CHCHD3: variants seen among roughly 807,000 people sequenced by gnomAD.
The protein encoded by CHCHD3 is coiled-coil-helix-coiled-coil-helix domain containing 3.
Under a neutral mutation model 38.2 loss-of-function variants are expected in CHCHD3, and 20 were observed. That is an observed-to-expected ratio of 0.52 (90% CI 0.37 to 0.76). The LOEUF (loss-of-function observed/expected upper bound fraction) is 0.76, where lower values mean the gene tolerates loss of function less well. CHCHD3 is among the 30% of genes least tolerant of loss of function. The pLI, the probability that CHCHD3 is intolerant of heterozygous loss-of-function variation, is 0.00. For synonymous variants in CHCHD3, 82 were observed against 100.0 expected, an observed-to-expected ratio of 0.82 and a Z score of 1.07; for missense variants, 245 against 279.2, an observed-to-expected ratio of 0.88 and a Z score of 0.87.
intron 3 of CHCHD3, among the ~76,000 whole-genome samples, chr7:133,001,249 T>C (rs1032026395): frequency 6.6e-6 from 1 of 152,180 alleles, no homozygotes; most frequent in Non-Finnish European, 1.5e-5. Context: ...TTAACTACAT[T>C]AGCAGAGTCA....
intron 1 of CHCHD3, among the ~76,000 whole-genome samples, chr7:133,072,650 T>C (rs1017242465): frequency 4.6e-5 from 7 of 151,874 alleles, no homozygotes; most frequent in African/African-American, 9.7e-5. Flanking sequence ...CCATCCTGGC[T>C]AACATGGTGA....
intron 4 of CHCHD3, among the ~76,000 whole-genome samples, chr7:132,894,458 G>A (rs1164438513): frequency 6.6e-6 from 1 of 152,152 alleles, no homozygotes; most frequent in Non-Finnish European, 1.5e-5. Context: ...TCTTTGCCAA[G>A]TCATACCCTA....
In CHCHD3 at chr7:132,801,169, C is replaced by T. The variant is rs1383714840; in HGVS notation, c.525-4592G>A. ...TTCTCATCACTTATAATTAATCTAT[C>T]GTAAAATGCAATATGAAGGAAGAAA... On this transcript the variant is annotated intron_variant, in intron 6 of 7. Transcript: ENST00000262570. Among the ~76,000 whole-genome samples the T allele has an allele frequency of 4.6e-5, 7 of 152,162 alleles. No individual in the cohort carries two copies. The South Asian group carries it at 1.0e-3, about 23-fold the overall frequency.
intron 3 of CHCHD3, among the ~76,000 whole-genome samples, chr7:132,995,120 CAT>C (rs1378618990): frequency 6.6e-6 from 1 of 152,128 alleles, no homozygotes; most frequent in East Asian, 1.9e-4. Flanking sequence ...ATGGTAGAAA[CAT>C]GTATAGAAAG....
intron 5 of CHCHD3, among the ~76,000 whole-genome samples, chr7:132,882,461 CTATATATATATATATATATATATA>C: frequency 1.5e-5 from 2 of 135,006 alleles, no homozygotes; most frequent in Non-Finnish European, 3.2e-5. Flanking sequence ...ACAATATATT[CTATATATATATATATATATATATA>C]TATATATATA....
intron 3 of CHCHD3, among the ~76,000 whole-genome samples, chr7:132,990,110 T>C (rs1158581635): frequency 6.6e-6 from 1 of 151,896 alleles, no homozygotes; most frequent in Non-Finnish European, 1.5e-5. Flanking sequence ...GAGGCAGAGG[T>C]TGCAGTGAGC....
chr7:133,017,223 T>C (rs761702053), intron 3 of CHCHD3, among the ~76,000 whole-genome samples: 1 of 152,212 alleles, frequency 6.6e-6, no homozygotes, highest in African/African-American at 2.4e-5. Context: ...GAAAAATGTT[T>C]ATGTAATGAT....
At chr7:132,948,754 T>C (rs747378625) in intron 4 of CHCHD3, among the ~76,000 whole-genome samples, 3 of 152,174 alleles carry the variant, frequency 2.0e-5, no homozygotes, top group Non-Finnish European at 4.4e-5. Context: ...AAAACAGATT[T>C]TGAAGACATT....
intron 4 of CHCHD3, among the ~76,000 whole-genome samples, chr7:132,920,386 A>G (rs963788557): frequency 1.8e-4 from 27 of 152,242 alleles, no homozygotes; most frequent in Non-Finnish European, 2.9e-4. Context: ...AAACAAACAA[A>G]CAAAACTAGA....
chr7:133,066,741 C>T (rs563756237), intron 2 of CHCHD3, among the ~76,000 whole-genome samples: 1 of 152,228 alleles, frequency 6.6e-6, no homozygotes, highest in African/African-American at 2.4e-5. Flanking sequence ...GAAAACCTCC[C>T]GACCCATCCC....
At chr7:132,891,965 C>A (rs571101688) in intron 4 of CHCHD3, among the ~76,000 whole-genome samples, 3 of 152,170 alleles carry the variant, frequency 2.0e-5, no homozygotes, top group African/African-American at 4.8e-5. Flanking sequence ...TCCCAGGAAG[C>A]GTAACTGTGA....
intron 5 of CHCHD3, among the ~76,000 whole-genome samples, chr7:132,878,327 A>G (rs1308480535): frequency 2.0e-5 from 3 of 150,768 alleles, no homozygotes; most frequent in Admixed American, 6.6e-5. Flanking sequence ...AGAGGAGCAC[A>G]GAAGCAAAGG....
At chr7:132,965,069 G>GTGTGT (rs1811425201) in intron 4 of CHCHD3, among the ~76,000 whole-genome samples, 1 of 151,724 alleles carries the variant, frequency 6.6e-6, no homozygotes, top group African/African-American at 2.4e-5. Flanking sequence ...ATGTGTGTGT[G>GTGTGT]TGTGTGTGTG....
chr7:133,080,826 A>G (rs1815151708), intron 1 of CHCHD3, among the ~76,000 whole-genome samples: 1 of 152,244 alleles, frequency 6.6e-6, no homozygotes, highest in South Asian at 2.1e-4. Flanking sequence ...TAAATATTTA[A>G]GAAGTTTTAT....
chr7:132,914,852 A>T (rs1270810515), intron 4 of CHCHD3, among the ~76,000 whole-genome samples: 1 of 152,164 alleles, frequency 6.6e-6, no homozygotes, highest in Non-Finnish European at 1.5e-5. Flanking sequence ...GCGAAAATAA[A>T]GAAGAATAAT....
intron 6 of CHCHD3, among the ~76,000 whole-genome samples, chr7:132,837,546 T>C (rs539074940): frequency 8.5e-5 from 13 of 152,372 alleles, no homozygotes; most frequent in South Asian, 8.3e-4. Context: ...ACAATAACAC[T>C]AATATCCATT....
intron 5 of CHCHD3, among the ~76,000 whole-genome samples, chr7:132,883,675 A>G (rs1428669031): frequency 6.6e-6 from 1 of 152,208 alleles, no homozygotes; most frequent in Non-Finnish European, 1.5e-5. Context: ...ATTCCACATT[A>G]CAAAGGCAGA....
At chr7:132,808,387 T>C (rs978595767) in intron 6 of CHCHD3, among the ~76,000 whole-genome samples, 2 of 152,252 alleles carry the variant, frequency 1.3e-5, no homozygotes, top group African/African-American at 4.8e-5. Flanking sequence ...TCTTCTACAG[T>C]TCCTTGTGAA....
At chr7:133,054,409 C>T (rs939842266) in intron 2 of CHCHD3, among the ~76,000 whole-genome samples, 1 of 152,266 alleles carries the variant, frequency 6.6e-6, no homozygotes, top group Non-Finnish European at 1.5e-5. Context: ...TCCCAAAGCA[C>T]ATGCTATGAG....
Sources: gnomAD v4.1 joint callset for allele counts (sites outside exome capture counted in the v4.1 genomes callset) on GRCh38, gnomAD v4.1.1 for gene constraint, MANE v1.5 for transcripts, NCBI Gene and HGNC (gene_info 2026-07-23, HGNC 2026-07-21) for gene names.